Variants in TACC1 observed in about 807,000 individuals in gnomAD.
The protein encoded by TACC1 is transforming acidic coiled-coil containing protein 1, also known as transforming acidic coiled-coil-containing protein 1.
Under a neutral mutation model 84.4 loss-of-function variants are expected in TACC1, and 48 were observed. The observed-to-expected ratio is 0.57, with a 90% confidence interval of 0.45 to 0.72. The LOEUF (loss-of-function observed/expected upper bound fraction) is 0.72, where lower values mean the gene tolerates loss of function less well. TACC1 is among the 30% of genes least tolerant of loss of function. The pLI is 0.00. For missense variants in TACC1, 920 were observed against 973.0 expected, an observed-to-expected ratio of 0.95 and a Z score of 0.72; for synonymous variants, 372 against 376.3, an observed-to-expected ratio of 0.99 and a Z score of 0.13.
chr8:38,796,785 G>C (rs1433471592), intron 2 of TACC1, among the ~76,000 whole-genome samples: 1 of 152,208 alleles, frequency 6.6e-6, no homozygotes, highest in Non-Finnish European at 1.5e-5. Context: ...GGTGTGTGCG[G>C]CTGCCAGGGG....
chr8:38,778,971 G>GT (rs113257559), intron 3 of TACC1, among the ~76,000 whole-genome samples: 2,231 of 139,866 alleles, frequency 0.016, 38 homozygotes, highest in African/African-American at 0.043. Context: ...GGGTCCTTGG[G>GT]TTTTTTTTTT....
At chr8:38,793,040 CACCTTTATCT>C (rs1313067292) in intron 2 of TACC1, among the ~76,000 whole-genome samples, 3 of 152,210 alleles carry the variant, frequency 2.0e-5, no homozygotes, top group Non-Finnish European at 4.4e-5. Context: ...CAAACACACA[CACCTTTATCT>C]ACAGATTGTT....
At chr8:38,766,059 C>T (rs1812192752) in intron 3 of TACC1, among the ~76,000 whole-genome samples, 1 of 152,164 alleles carries the variant, frequency 6.6e-6, no homozygotes, top group Non-Finnish European at 1.5e-5. Flanking sequence ...GGACATAAAG[C>T]ACAAACAGAT....
chr8:38,812,306 C>T (rs1027828171), intron 2 of TACC1, among the ~76,000 whole-genome samples: 3 of 152,042 alleles, frequency 2.0e-5, no homozygotes, highest in Non-Finnish European at 4.4e-5. Flanking sequence ...TTCGTACACC[C>T]CCTCCCCTTT....
chr8:38,822,388 T>C (rs1827078649), intron 3 of TACC1, among the ~76,000 whole-genome samples: 1 of 151,866 alleles, frequency 6.6e-6, no homozygotes, highest in Non-Finnish European at 1.5e-5. Context: ...ATAGGGCCCT[T>C]ACCATGAATG....
In TACC1 at chr8:38,788,810, A is replaced by G; in HGVS notation, c.268A>G (p.Lys90Glu). 6.2e-7 allele frequency: 1 copy of G among 1,605,576 alleles called. No individual in the cohort carries two copies. Among genetic ancestry groups the G allele is most frequent in the Non-Finnish European group, 8.5e-7 (1 of 1,176,840 alleles). Reference sequence around the variant, plus strand: ...ACTCGGATTGGCAGGACCTGGGGCCAAAAGCCAAGGTAAAGAAAAACTTGC... The same window carrying G: ...ACTCGGATTGGCAGGACCTGGGGCCGAAAGCCAAGGTAAAGAAAAACTTGC... Reference protein sequence around the residue: ...PSLGLAGPGAKSQESQEADEQ... With the variant: ...PSLGLAGPGAESQESQEADEQ... Residue 90 changes from lysine (K) to glutamate (E), a missense_variant, in exon 2 of 13, where the codon AAA becomes GAA. Lys to Glu is a moderately conservative substitution (Grantham distance 56). Transcript: ENST00000317827.
chr8:38,807,451 A>G (rs571555103), intron 2 of TACC1, among the ~76,000 whole-genome samples: 40 of 152,248 alleles, frequency 2.6e-4, no homozygotes, highest in Non-Finnish European at 4.7e-4. Flanking sequence ...AGGGCTGTCT[A>G]TCTAAAGGAG....
chr8:38,793,162 C>G (rs1183970956), intron 2 of TACC1, among the ~76,000 whole-genome samples: 1 of 152,166 alleles, frequency 6.6e-6, no homozygotes, highest in Non-Finnish European at 1.5e-5. Context: ...AATTAAATGC[C>G]TAGGTATTTC....
rs529552214 is a variant in TACC1, at chr8:38,822,918, TTGTGGCCCTAAAAAGGGC to T, written c.1391+2284_1391+2301del. ...ACATGGCACCTGACTGTATATCCTT[TTGTGGCCCTAAAAAGGGC>T]CACATTTTACTAAAAAGTTTGAGTA... On this transcript the variant is annotated intron_variant, in intron 3 of 12. Coordinates refer to ENST00000317827, the MANE Select transcript of TACC1 (RefSeq NM_006283.3). Among the ~76,000 whole-genome samples the T allele has an allele frequency of 5.3e-5, 8 of 152,324 alleles. No individual in the cohort carries two copies. In the East Asian group the frequency reaches 1.5e-3, roughly 29 times the overall value.
At chr8:38,772,732 G>A (rs1249378078) in intron 3 of TACC1, among the ~76,000 whole-genome samples, 1 of 151,890 alleles carries the variant, frequency 6.6e-6, no homozygotes, top group Non-Finnish European at 1.5e-5. Flanking sequence ...ATATTAATTT[G>A]TTAAATGTTA....
chr8:38,760,034 T>TAA (rs1563304939), intron 3 of TACC1, among the ~76,000 whole-genome samples: 2 of 149,190 alleles, frequency 1.3e-5, no homozygotes, highest in East Asian at 1.9e-4. Flanking sequence ...TGTTCTTTTT[T>TAA]TAAAAAAAAA....
chr8:38,788,680 T>G, intron 1 of TACC1, 24 bp from the exon 2 acceptor site: 2 of 1,544,216 alleles, frequency 1.3e-6, no homozygotes, highest in Non-Finnish European at 1.8e-6. Context: ...AAAGTGGTAA[T>G]TCCTCATTTT....
chr8:38,789,870 G>T (rs1268512295), intron 2 of TACC1, among the ~76,000 whole-genome samples: 2 of 152,210 alleles, frequency 1.3e-5, no homozygotes, highest in African/African-American at 4.8e-5. Context: ...AGAGCAGGAG[G>T]AGCTGAAGTC....
In TACC1 at chr8:38,787,376, G is replaced by A; in HGVS notation, c.-207G>A. 1 of 1,341,248 alleles carries A rather than the reference G, an allele frequency of 7.5e-7. No individual in the cohort carries two copies. Among genetic ancestry groups the A allele is most frequent in the South Asian group, 1.9e-5 (1 of 52,552 alleles). The allele number at this position is 1,341,248 out of a possible 1,614,324, so 83.1% of individuals were successfully genotyped here. ...GCCCGCTGCGGCCGCACCGTGAGGGGAGGAGGCCGAGGAGGACGCAGCGCC... is the reference window on the plus strand; with the variant it reads ...GCCCGCTGCGGCCGCACCGTGAGGGAAGGAGGCCGAGGAGGACGCAGCGCC... On this transcript the variant is annotated 5_prime_UTR_variant, in exon 1 of 13. Coordinates refer to ENST00000317827, the MANE Select transcript of TACC1 (RefSeq NM_006283.3).
intron 3 of TACC1, among the ~76,000 whole-genome samples, chr8:38,774,208 A>T (rs1288510743): frequency 6.6e-6 from 1 of 152,204 alleles, no homozygotes; most frequent in Non-Finnish European, 1.5e-5. Context: ...ACCTCCCTTG[A>T]CATCTCCACC....
rs1047956258 is a variant in TACC1, at chr8:38,850,547, T to C, written c.*2524T>C. 2.6e-5 allele frequency: 4 copies of C among 151,936 alleles called. No individual in the cohort carries two copies. Among genetic ancestry groups the C allele is most frequent in the African/African-American group, 7.3e-5 (3 of 41,342 alleles). The allele number at this position is 151,936 out of a possible 1,614,324, so 9.4% of individuals were successfully genotyped here. On this transcript the variant is annotated 3_prime_UTR_variant, in exon 13 of 13. Transcript: ENST00000317827. ...TGGCTTATTCCTGTAATCCCAACAC[T>C]GTGGAAGGCCGAGGCAGGAGGATCA...
chr8:38,804,374 C>T (rs1822148282), intron 2 of TACC1, among the ~76,000 whole-genome samples: 2 of 152,280 alleles, frequency 1.3e-5, no homozygotes, highest in South Asian at 4.1e-4. Flanking sequence ...TCTTGGCTCA[C>T]TGCAACCCTC....
At chr8:38,785,632 G>C, upstream of TACC1, 3 of 922,852 alleles carry the variant, frequency 3.3e-6, no homozygotes, top group Non-Finnish European at 3.9e-6. Flanking sequence ...ACAGGTCCTA[G>C]TGTATGCTAG....
chr8:38,851,803 CAG>C lies in TACC1; in HGVS notation c.*3782_*3783del, dbSNP rs1253950297. ...TTATTCTGAAGAATCTAAAAGATAA[CAG>C]ATTATTTGCTTATGAAAGAACAATA... On this transcript the variant is annotated 3_prime_UTR_variant, in exon 13 of 13. Transcript: ENST00000317827. 8.0e-6 allele frequency: 3 copies of C among 377,234 alleles called. No homozygotes were observed. The highest frequency in any genetic ancestry group is 6.4e-5 in the African/African-American group (3 of 47,238). 23.4% of individuals were successfully genotyped at this position (377,234 alleles called of 1,614,324 possible). A position where few individuals can be genotyped will look rare whatever the true frequency, so the allele number is the denominator to read the frequency against.
Sources: gnomAD v4.1 joint callset for allele counts (sites outside exome capture counted in the v4.1 genomes callset) on GRCh38, gnomAD v4.1.1 for gene constraint, MANE v1.5 for transcripts, NCBI Gene and HGNC (gene_info 2026-07-23, HGNC 2026-07-21) for gene names.